The following TPR variants were observed in gnomAD, a reference collection of about 807,000 sequenced individuals.
TPR encodes the protein translocated promoter region, nuclear basket protein.
TPR carries 51 observed loss-of-function variants against 316.1 expected under a neutral mutation model. The observed-to-expected ratio is 0.16, with a 90% CI of 0.13 to 0.20. TPR has a LOEUF of 0.20. Ranked by LOEUF, TPR falls within the 10% of genes least tolerant of loss-of-function variation. The pLI is 1.00. For missense variants in TPR, 2,272 were observed against 2,754.8 expected (o/e 0.82, Z 3.92); for synonymous variants, 981 against 914.7 (o/e 1.07, Z -1.31).
chr1:186,313,698 G>A lies in TPR; in HGVS notation c.*273C>T. The A allele has an allele frequency of 6.2e-7, 1 of 1,602,432 alleles. No individual in the cohort carries two copies. Among genetic ancestry groups the A allele is most frequent in the Non-Finnish European group, 8.5e-7 (1 of 1,169,642 alleles). ...CCATTTAGATCAATACTATAACATT[G>A]ATGTGCCTAGTAGAACAGCAAGAGC... On this transcript the variant is annotated 3_prime_UTR_variant, in exon 51 of 51. Transcript: ENST00000367478.
At position 186,341,481 on chromosome 1, in the gene TPR, TAA is replaced by T. The variant is rs933406054; in HGVS notation, c.3751-94_3751-93del. ...AGCTCAAATCCTCCCTATGACAAAA[TAA>T]AGAGGATTTAAGTTTCAACTTTTAG... On this transcript the variant is annotated intron_variant, in intron 27 of 50. Transcript: ENST00000367478. 2.4e-5 allele frequency: 32 copies of T among 1,328,740 alleles called. No individual in the cohort carries two copies. The African/African-American group carries it at 4.3e-4, about 18-fold the overall frequency. 82.3% of individuals were successfully genotyped at this position (1,328,740 alleles called of 1,614,324 possible).
At chr1:186,363,681 C>T (rs1315731441) in intron 4 of TPR, among the ~76,000 whole-genome samples, 1 of 151,978 alleles carries the variant, frequency 6.6e-6, no homozygotes, top group Non-Finnish European at 1.5e-5. Context: ...ACAGACCAAT[C>T]CAGGCAGCCC....
chr1:186,344,496 G>A lies in TPR; in HGVS notation c.3296C>T (p.Ala1099Val), dbSNP rs374372952. 13 of 1,613,216 alleles carry A rather than the reference G, an allele frequency of 8.1e-6. No homozygotes were observed. Among genetic ancestry groups the A allele is most frequent in the Admixed American group, 5.0e-5 (3 of 59,924 alleles). The change falls in exon 25 of 51, where the codon GCG (alanine) becomes GTG (valine). Residue 1099 changes from alanine to valine, a missense_variant. Physicochemically the swap from Ala to Val is moderately conservative, Grantham distance 64. Coordinates refer to ENST00000367478, the MANE Select transcript of TPR (RefSeq NM_003292.3). ...TGCCATTTTTGAAACCTGCTCCTTC[G>A]CAGCTTGTAGAGCTTCAACATCAGC... ...HAADVEALQA[A>V]KEQVSKMASV... is the part of the protein sequence containing the mutation.
intron 46 of TPR, among the ~76,000 whole-genome samples, chr1:186,320,059 T>C (rs1174530427): frequency 6.6e-6 from 1 of 152,098 alleles, no homozygotes; most frequent in African/African-American, 2.4e-5. Flanking sequence ...GTGTATGACA[T>C]TACACCAGGA....
intron 13 of TPR, 23 bp downstream of exon 13, chr1:186,358,519 GA>G (rs746729096): frequency 1.3e-6 from 2 of 1,592,704 alleles, no homozygotes; most frequent in South Asian, 1.1e-5. Context: ...TTAAAAGTAG[GA>G]AAACAAACAA....
intron 7 of TPR, 113 bp from the exon 8 acceptor site, chr1:186,361,982 C>A: frequency 3.2e-6 from 3 of 935,140 alleles, no homozygotes; most frequent in South Asian, 3.7e-5. Flanking sequence ...ATCTAAAACA[C>A]TCAAATTCAA....
chr1:186,361,016 G>A (rs1659169604), intron 9 of TPR, 111 bp from the exon 10 acceptor site: 1 of 1,154,898 alleles, frequency 8.7e-7, no homozygotes, highest in African/African-American at 1.6e-5. Flanking sequence ...TAAATTTCTA[G>A]AGAGGCTTCA....
At chr1:186,351,913 G>A (rs1658872006) in intron 19 of TPR, 63 bp downstream of exon 19, 17 of 1,525,402 alleles carry the variant, frequency 1.1e-5, no homozygotes, top group Non-Finnish European at 1.5e-5. Flanking sequence ...AAATTGAGAG[G>A]ATAAAAAAAA....
At chr1:186,318,883 C>G in intron 46 of TPR, 55 bp from the exon 47 acceptor site, 4 of 1,539,076 alleles carry the variant, frequency 2.6e-6, no homozygotes, top group Non-Finnish European at 3.6e-6. Flanking sequence ...AAATTATCAA[C>G]AAGTCAGGGA....
At chr1:186,354,024 TC>T in intron 17 of TPR, 174 bp from the exon 18 acceptor site, 1 of 528,682 alleles carries the variant, frequency 1.9e-6, no homozygotes, top group Non-Finnish European at 3.2e-6. Flanking sequence ...TAGAAATAAC[TC>T]CAGGAACAGT....
chr1:186,312,779 T>C lies in TPR; in HGVS notation c.*1192A>G, dbSNP rs1448730112. 6.2e-7 allele frequency: 1 copy of C among 1,613,054 alleles called. No homozygotes were observed. The highest frequency in any genetic ancestry group is 1.3e-5 in the African/African-American group (1 of 75,018). On this transcript the variant is annotated 3_prime_UTR_variant, in exon 51 of 51. Coordinates refer to ENST00000367478, the MANE Select transcript of TPR (RefSeq NM_003292.3). ...ACATGCCACTTACAGGTGTCCTTCA[T>C]AATGAAGTTAAAGTGAGTATACTGT...
At chr1:186,364,875 G>A (rs1385766208) in intron 4 of TPR, among the ~76,000 whole-genome samples, 1 of 152,070 alleles carries the variant, frequency 6.6e-6, no homozygotes, top group Non-Finnish European at 1.5e-5. Context: ...GAAGGGATAG[G>A]CTAACTCTAC....
intron 39 of TPR, among the ~76,000 whole-genome samples, chr1:186,330,952 T>A (rs78394142): frequency 1.3e-5 from 2 of 152,148 alleles, no homozygotes; most frequent in African/African-American, 2.4e-5. Context: ...ATTAATGATA[T>A]GCTTACAGTC....
chr1:186,338,831 T>C (rs991249108), intron 30 of TPR, among the ~76,000 whole-genome samples: 1 of 152,196 alleles, frequency 6.6e-6, no homozygotes, highest in African/African-American at 2.4e-5. Flanking sequence ...AATTCTGAAC[T>C]GAACTTGAAA....
intron 6 of TPR, 114 bp from the exon 7 acceptor site, chr1:186,362,494 A>T (rs1659226150): frequency 2.6e-6 from 2 of 762,676 alleles, no homozygotes; most frequent in Non-Finnish European, 4.3e-6. Flanking sequence ...CCACCTGAAA[A>T]AGCAATTAAA....
chr1:186,344,094 C>G lies in TPR; in HGVS notation c.3418-4G>C. On this transcript the variant is annotated splice_region_variant and splice_polypyrimidine_tract_variant and intron_variant, in intron 25 of 50. Coordinates refer to ENST00000367478, the MANE Select transcript of TPR (RefSeq NM_003292.3). Reference sequence around the variant, plus strand: ...ATACACATTTGGAAACTTCATCCTGCAAGCCAAGAGTCTATCAGAATAACA... The same window carrying G: ...ATACACATTTGGAAACTTCATCCTGGAAGCCAAGAGTCTATCAGAATAACA... 1 of 1,611,844 alleles carries G rather than the reference C, an allele frequency of 6.2e-7. No individual in the cohort carries two copies.
At chr1:186,338,519 G>A (rs989024635) in intron 30 of TPR, among the ~76,000 whole-genome samples, 1 of 152,118 alleles carries the variant, frequency 6.6e-6, no homozygotes, top group Non-Finnish European at 1.5e-5. Flanking sequence ...TCAAGTGATG[G>A]TACCCAGATT....
intron 7 of TPR, 129 bp downstream of exon 7, chr1:186,362,159 T>C: frequency 1.4e-6 from 1 of 714,902 alleles, no homozygotes; most frequent in South Asian, 2.1e-5. Flanking sequence ...AGCTACAGCA[T>C]ATGGAAGGAG....
In TPR at chr1:186,313,917, A is replaced by G. The variant is rs1301712263; in HGVS notation, c.*54T>C. On this transcript the variant is annotated 3_prime_UTR_variant, in exon 51 of 51. Coordinates refer to ENST00000367478, the MANE Select transcript of TPR (RefSeq NM_003292.3). ...AATGTTTTTAAACTTGACAATCATT[A>G]CACTAAAACAGATTTGATAATCTTA... 6 of 1,576,008 alleles carry G rather than the reference A, an allele frequency of 3.8e-6. No individual in the cohort carries two copies. Among genetic ancestry groups the G allele is most frequent in the Non-Finnish European group, 5.2e-6 (6 of 1,147,330 alleles).
Sources: gnomAD v4.1 joint callset for allele counts (sites outside exome capture counted in the v4.1 genomes callset) on GRCh38, gnomAD v4.1.1 for gene constraint, MANE v1.5 for transcripts, NCBI Gene and HGNC (gene_info 2026-07-23, HGNC 2026-07-21) for gene names.